Variants in ADK observed in about 807,000 individuals in gnomAD.
ADK encodes the protein adenosine kinase, also known as N6,N6-dimethyladenosine kinase.
A neutral mutation model predicts 44.7 loss-of-function variants in ADK; 24 were observed. The ratio of observed to expected loss-of-function variants is 0.54; its 90% confidence interval spans 0.39 to 0.76. The LOEUF is 0.76. Among genes scored for constraint, ADK ranks in the 30% least tolerant of loss-of-function variants. The probability of loss-of-function intolerance (pLI) is 0.00; values close to 1 mark genes in which losing one functional copy is unlikely to be tolerated. For missense variants in ADK, 321 were observed against 425.1 expected (o/e 0.76, Z 2.15); for synonymous variants, 128 against 142.6 (o/e 0.90, Z 0.73).
intron 4 of ADK, among the ~76,000 whole-genome samples, chr10:74,365,993 GCCTGTTGCCCAT>G (rs1842487438): frequency 6.6e-6 from 1 of 152,022 alleles, no homozygotes; most frequent in African/African-American, 2.4e-5. Flanking sequence ...GTTTTCATGT[GCCTGTTGCCCAT>G]GCATACATCT....
intron 5 of ADK, among the ~76,000 whole-genome samples, chr10:74,394,590 A>G (rs188329009): frequency 7.2e-5 from 11 of 152,296 alleles, no homozygotes. Flanking sequence ...AGCTTGCTCA[A>G]TGCCTTGTAG....
intron 8 of ADK, among the ~76,000 whole-genome samples, chr10:74,594,564 AAAT>A (rs1370486483): frequency 6.6e-6 from 1 of 152,138 alleles, no homozygotes; most frequent in Non-Finnish European, 1.5e-5. Context: ...AATCTGGAGT[AAAT>A]AATATGATAA....
chr10:74,619,405 AGAT>A (rs2134022524), intron 9 of ADK, among the ~76,000 whole-genome samples: 1 of 152,058 alleles, frequency 6.6e-6, no homozygotes, highest in Non-Finnish European at 1.5e-5. Flanking sequence ...CAGTGAGCCA[AGAT>A]CGCACCACTG....
intron 3 of ADK, among the ~76,000 whole-genome samples, chr10:74,282,259 C>G (rs1038896866): frequency 2.0e-5 from 3 of 152,082 alleles, no homozygotes; most frequent in African/African-American, 7.2e-5. Context: ...TTGTGGTGAA[C>G]TTTTTAAGGA....
In ADK at chr10:74,224,436, GAGACCTATAAC is replaced by G. The variant is rs1844447438; in HGVS notation, c.141-99_141-89del. 4 of 875,454 alleles carry G rather than the reference GAGACCTATAAC, an allele frequency of 4.6e-6. No homozygotes were observed. The African/African-American group carries it at 5.0e-5, about 11-fold the overall frequency. 54.2% of individuals were successfully genotyped at this position (875,454 alleles called of 1,614,324 possible). ...TCTTGGTGTTTTATCAATTAAGTCA[GAGACCTATAAC>G]AGTGTTGGAGTGCTTGTTTTGAAGA... On this transcript the variant is annotated intron_variant, in intron 2 of 10. Transcript: ENST00000539909.
chr10:74,408,761 A>G (rs569161402), intron 6 of ADK, among the ~76,000 whole-genome samples: 3 of 152,304 alleles, frequency 2.0e-5, no homozygotes, highest in Non-Finnish European at 4.4e-5. Context: ...TGGAATGAAA[A>G]TATATTATTA....
chr10:74,620,016 C>A (rs1436036199), intron 9 of ADK, among the ~76,000 whole-genome samples: 1 of 152,140 alleles, frequency 6.6e-6, no homozygotes, highest in Non-Finnish European at 1.5e-5. Flanking sequence ...GCCACAACAC[C>A]CTGCCCATCG....
chr10:74,570,939 G>C (rs368007327), intron 7 of ADK, among the ~76,000 whole-genome samples: 26 of 152,176 alleles, frequency 1.7e-4, no homozygotes, highest in African/African-American at 4.8e-4. Context: ...ATAGATAGCT[G>C]TTATTATTTT....
chr10:74,296,781 T>A (rs1230885806), intron 3 of ADK, among the ~76,000 whole-genome samples: 2 of 151,786 alleles, frequency 1.3e-5, no homozygotes, highest in Admixed American at 6.6e-5. Flanking sequence ...TGGGCTAATT[T>A]TTTTTTGTAT....
intron 3 of ADK, among the ~76,000 whole-genome samples, chr10:74,295,628 C>G (rs1228169104): frequency 6.6e-6 from 1 of 151,650 alleles, no homozygotes; most frequent in Non-Finnish European, 1.5e-5. Context: ...GTGTTCCTCC[C>G]TTTTTTTAGT....
In ADK at chr10:74,266,178, A is replaced by G. The variant is rs200987279; in HGVS notation, c.194+41587A>G. Among the ~76,000 whole-genome samples, 5 of 152,334 alleles carry G rather than the reference A, an allele frequency of 3.3e-5. No individual in the cohort carries two copies. In the East Asian group the frequency reaches 9.6e-4, roughly 29 times the overall value. On this transcript the variant is annotated intron_variant, in intron 3 of 10. Coordinates refer to ENST00000539909, the MANE Select transcript of ADK (RefSeq NM_006721.4). ...GGAAGTAGAAGACAGTGAGTCAGAT[A>G]GTGACCAGTACAGGACGCTAGGTGG...
chr10:74,360,748 T>C (rs1842306707), intron 4 of ADK, among the ~76,000 whole-genome samples: 2 of 152,330 alleles, frequency 1.3e-5, no homozygotes, highest in South Asian at 4.1e-4. Flanking sequence ...CCTAATGTAA[T>C]TATAGGTATT....
Position 74,379,206 on chromosome 10 carries a change from A to G in ADK, c.274-14935A>G, listed in dbSNP as rs74656412. Among the ~76,000 whole-genome samples the G allele has an allele frequency of 9.0e-3, 1,374 of 152,282 alleles. 9 individuals are homozygous for G. The highest frequency in any genetic ancestry group is 0.016 in the Non-Finnish European group (1,075 of 68,028). On this transcript the variant is annotated intron_variant, in intron 4 of 10. Coordinates refer to ENST00000539909, the MANE Select transcript of ADK (RefSeq NM_006721.4). Reference sequence around the variant, plus strand: ...CAGCTCTATGTGCGTGGAGTCAAGGATGGAAGCAGAGAGGTTAGGAAATCA... The same window carrying G: ...CAGCTCTATGTGCGTGGAGTCAAGGGTGGAAGCAGAGAGGTTAGGAAATCA...
chr10:74,394,401 A>G (rs1345387103), intron 5 of ADK, 88 bp downstream of exon 5: 3 of 1,267,182 alleles, frequency 2.4e-6, no homozygotes, highest in Non-Finnish European at 3.4e-6. Context: ...TGGAATTTTG[A>G]CTTTATAATT....
intron 3 of ADK, among the ~76,000 whole-genome samples, chr10:74,271,818 A>C (rs192862506): frequency 1.1e-3 from 164 of 151,796 alleles, no homozygotes; most frequent in African/African-American, 3.9e-3. Flanking sequence ...TTTTTCTTTA[A>C]TAGTACTTAC....
intron 6 of ADK, among the ~76,000 whole-genome samples, chr10:74,436,444 G>A (rs2133110870): frequency 6.7e-6 from 1 of 149,222 alleles, no homozygotes; most frequent in Admixed American, 6.8e-5. Flanking sequence ...TCATCATAAA[G>A]GTCTTCATCC....
chr10:74,656,065 T>A, intron 9 of ADK: 1 of 444,660 alleles, frequency 2.2e-6, no homozygotes, highest in Non-Finnish European at 4.3e-6. Flanking sequence ...ATGATAGACC[T>A]GGGACATGTG....
At chr10:74,183,554 A>G (rs1002017004) in intron 1 of ADK, among the ~76,000 whole-genome samples, 6 of 151,378 alleles carry the variant, frequency 4.0e-5, no homozygotes, top group Non-Finnish European at 7.4e-5. Flanking sequence ...CTTGCTGCCC[A>G]GGCTGGAGTG....
chr10:74,314,605 AG>A (rs1840553972), intron 3 of ADK, 61 bp from the exon 4 acceptor site: 1 of 1,077,956 alleles, frequency 9.3e-7, no homozygotes, highest in East Asian at 2.4e-5. Flanking sequence ...TGCTCAGAAA[AG>A]TTTACTTTGT....
Sources: gnomAD v4.1 joint callset for allele counts (sites outside exome capture counted in the v4.1 genomes callset) on GRCh38, gnomAD v4.1.1 for gene constraint, MANE v1.5 for transcripts, NCBI Gene and HGNC (gene_info 2026-07-23, HGNC 2026-07-21) for gene names.